Variants in MRAP2 observed in about 807,000 individuals in gnomAD.
The protein encoded by MRAP2 is melanocortin 2 receptor accessory protein 2.
A neutral mutation model predicts 17.4 loss-of-function variants in MRAP2; 20 were observed. The ratio of observed to expected loss-of-function variants is 1.15; its 90% CI spans 0.81 to 1.67. The LOEUF (loss-of-function observed/expected upper bound fraction) is 1.67, where lower values mean the gene tolerates loss of function less well. MRAP2 is among the 40% of genes most tolerant of loss of function. The pLI is 0.00. For synonymous variants in MRAP2, 96 were observed against 88.4 expected, an observed-to-expected ratio of 1.09 and a Z score of -0.48; for missense variants, 238 against 240.0, an observed-to-expected ratio of 0.99 and a Z score of 0.05.
chr6:84,060,852 A>ATT (rs771171189), intron 2 of MRAP2, among the ~76,000 whole-genome samples: 7,266 of 119,218 alleles, frequency 0.061, 899 homozygotes, highest in African/African-American at 0.21. Flanking sequence ...CACCCGGCTA[A>ATT]TTTTTTTTTT....
At chr6:84,054,737 T>C (rs1186939775) in intron 1 of MRAP2, among the ~76,000 whole-genome samples, 1 of 152,198 alleles carries the variant, frequency 6.6e-6, no homozygotes, top group African/African-American at 2.4e-5. Context: ...CTCTCTGTCC[T>C]CTACCTCCCA....
chr6:84,099,308 AT>A, the MRAP2 span, among the ~76,000 whole-genome samples: 1 of 146,982 alleles, frequency 6.8e-6, no homozygotes, highest in Admixed American at 7.0e-5. Context: ...TGTTGGCTTT[AT>A]TTATTTTTTA....
chr6:84,104,179 C>T, the MRAP2 span, among the ~76,000 whole-genome samples: 4 of 152,300 alleles, frequency 2.6e-5, no homozygotes, highest in Admixed American at 6.5e-5. Context: ...AGCCACAGGC[C>T]GAGCTCTACA....
At chr6:84,063,945 T>A (rs6906099) in intron 3 of MRAP2, among the ~76,000 whole-genome samples, 9,603 of 151,632 alleles carry the variant, frequency 0.063, 943 homozygotes, top group African/African-American at 0.21. Context: ...CCTGGGATGC[T>A]GAAGCACAAG....
At chr6:84,112,736 T>G in the MRAP2 span, among the ~76,000 whole-genome samples, 1 of 151,978 alleles carries the variant, frequency 6.6e-6, no homozygotes, top group South Asian at 2.1e-4. Context: ...TTGTGGGCAT[T>G]TAGTGCTATA....
chr6:84,133,075 A>C, the MRAP2 span, among the ~76,000 whole-genome samples: 1 of 152,126 alleles, frequency 6.6e-6, no homozygotes, highest in Non-Finnish European at 1.5e-5. Context: ...TTTTCCTTCT[A>C]ACCGTCAGGA....
the MRAP2 span, among the ~76,000 whole-genome samples, chr6:84,113,415 T>A: frequency 6.6e-6 from 1 of 152,204 alleles, no homozygotes; most frequent in African/African-American, 2.4e-5. Context: ...AACCCCTGCT[T>A]ATTTTGCTTT....
intron 2 of MRAP2, chr6:84,062,544 G>A: frequency 1.0e-6 from 1 of 985,268 alleles, no homozygotes; most frequent in Non-Finnish European, 1.2e-6. Flanking sequence ...TAAAACTTGA[G>A]TTGATAGTCT....
At chr6:84,093,656 A>G (rs537235614), downstream of MRAP2, among the ~76,000 whole-genome samples, 1 of 152,352 alleles carries the variant, frequency 6.6e-6, no homozygotes, top group South Asian at 2.1e-4. Context: ...GTGTTTTATC[A>G]GGGCATGTAT....
the MRAP2 span, among the ~76,000 whole-genome samples, chr6:84,140,654 T>C: frequency 1.3e-5 from 2 of 152,020 alleles, no homozygotes. Context: ...ACCTCTTGAG[T>C]AGCTGGGACT....
the MRAP2 span, chr6:84,125,007 AG>A: frequency 8.3e-7 from 1 of 1,210,784 alleles, no homozygotes; most frequent in Non-Finnish European, 1.2e-6. Flanking sequence ...CTGTCCTGAC[AG>A]TGGCACAATC....
At chr6:84,101,085 G>T in the MRAP2 span, among the ~76,000 whole-genome samples, 1 of 152,078 alleles carries the variant, frequency 6.6e-6, no homozygotes, top group African/African-American at 2.4e-5. Context: ...ATGGTAACAT[G>T]CAGCTGCATC....
At chr6:84,050,304 T>G (rs1406574962) in intron 1 of MRAP2, among the ~76,000 whole-genome samples, 1 of 152,196 alleles carries the variant, frequency 6.6e-6, no homozygotes, top group Non-Finnish European at 1.5e-5. Flanking sequence ...ACCATGTTAC[T>G]GTTTTTTTAA....
At chr6:84,073,860 TATGAG>T (rs1360212149) in intron 3 of MRAP2, among the ~76,000 whole-genome samples, 1 of 151,498 alleles carries the variant, frequency 6.6e-6, no homozygotes, top group Admixed American at 6.6e-5. Flanking sequence ...CTTAAAACAT[TATGAG>T]ATATTTGTGT....
downstream of MRAP2, among the ~76,000 whole-genome samples, chr6:84,095,500 A>T (rs1447470168): frequency 2.6e-5 from 4 of 152,334 alleles, no homozygotes; most frequent in Non-Finnish European, 4.4e-5. Context: ...TGTGAAAAGA[A>T]TGCAGGTGAC....
At chr6:84,117,651 CTGTGTG>C in the MRAP2 span, among the ~76,000 whole-genome samples, 43 of 105,138 alleles carry the variant, frequency 4.1e-4, no homozygotes, top group Non-Finnish European at 5.8e-4. Context: ...GGGTGTGTGT[CTGTGTG>C]TGTGTGTGTG....
intron 1 of MRAP2, chr6:84,045,104 T>C (rs1443450468): frequency 2.3e-6 from 1 of 434,332 alleles, no homozygotes; most frequent in East Asian, 1.6e-4. Flanking sequence ...TCTATGCAAA[T>C]ACTACACCAT....
the MRAP2 span, among the ~76,000 whole-genome samples, chr6:84,108,539 T>C: frequency 6.6e-6 from 1 of 152,148 alleles, no homozygotes; most frequent in African/African-American, 2.4e-5. Flanking sequence ...TTTATTTTTT[T>C]CTAAATTTGT....
intron 1 of MRAP2, among the ~76,000 whole-genome samples, chr6:84,046,566 G>C (rs1478701386): frequency 2.0e-5 from 3 of 152,022 alleles, no homozygotes; most frequent in African/African-American, 7.2e-5. Flanking sequence ...CAGATCACCA[G>C]GTCAGGAGAT....
Sources: gnomAD v4.1 joint callset for allele counts (sites outside exome capture counted in the v4.1 genomes callset) on GRCh38, gnomAD v4.1.1 for gene constraint, MANE v1.5 for transcripts, NCBI Gene and HGNC (gene_info 2026-07-23, HGNC 2026-07-21) for gene names.